GBX2: variants seen among roughly 807,000 people sequenced by gnomAD.
GBX2 encodes the protein gastrulation brain homeobox 2.
Under a neutral mutation model 22.4 loss-of-function variants are expected in GBX2, and 5 were observed. That is an observed-to-expected ratio of 0.22 (90% CI 0.12 to 0.47). The LOEUF is 0.47. Among genes scored for constraint, GBX2 ranks in the 20% least tolerant of loss-of-function variants. The probability of loss-of-function intolerance (pLI) is 0.99; values close to 1 mark genes in which losing one functional copy is unlikely to be tolerated. For synonymous variants in GBX2, 220 were observed against 230.5 expected (o/e 0.95, Z 0.41); for missense variants, 470 against 495.4 (o/e 0.95, Z 0.49).
rs987643540 is a variant in GBX2 at position 236,167,738 on chromosome 2, G to A, written c.234C>T (p.His78=). The change falls in exon 1 of 2, where the codon CAC becomes CAT. Residue 78 remains histidine (H), a synonymous_variant. Transcript: ENST00000306318. The part of the protein sequence containing the change: ...AALQPALPPA[H]PHHQIPSLPT... The stretch of plus-strand genomic sequence containing the variant: ...GCAGGCTGGGGATCTGGTGGTGAGG[G>A]TGTGCGGGCGGCAGCGCTGGCTGCA... The A allele has an allele frequency of 2.7e-6, 4 of 1,507,298 alleles. No homozygotes were observed. Among genetic ancestry groups the A allele is most frequent in the Middle Eastern group, 1.9e-4 (1 of 5,306 alleles). 93.4% of individuals were successfully genotyped at this position (1,507,298 alleles called of 1,614,324 possible).
rs751026025 is a variant in GBX2 at position 236,167,997 on chromosome 2, G to A, written c.-26C>T. On this transcript the variant is annotated 5_prime_UTR_variant, in exon 1 of 2. Transcript: ENST00000306318. ...AGACGCGCTCGGTAGAGGCCAGCGA[G>A]AGGCGAAAAGTCCCCGCGCCGCGCC... 1 of 1,502,476 alleles carries A rather than the reference G, an allele frequency of 6.7e-7. No individual in the cohort carries two copies. The highest frequency in any genetic ancestry group is 8.9e-7 in the Non-Finnish European group (1 of 1,129,358). 93.1% of individuals were successfully genotyped at this position (1,502,476 alleles called of 1,614,324 possible). A position where few individuals can be genotyped will look rare whatever the true frequency, so the allele number is the denominator to read the frequency against.
chr2:236,166,019 T>A lies in GBX2; in HGVS notation c.942A>T (p.Thr314=). 1 of 1,614,220 alleles carries A rather than the reference T, an allele frequency of 6.2e-7. No individual in the cohort carries two copies. Residue 314 remains threonine, a synonymous_variant, in exon 2 of 2, where the codon ACA becomes ACT. Coordinates refer to ENST00000306318, the MANE Select transcript of GBX2 (RefSeq NM_001485.4). This position sits in a 1 kb window ranked among gnomAD's most constrained non-coding sequence, Gnocchi z 6.6. ...TCTTAGGGTTCCGGGAGGGCTCCCC[T>A]GTCTTGGAATTGGCATTGCCTGCCT... is the stretch of plus-strand genomic sequence containing the variant. ...RVKAGNANSK[T]GEPSRNPKIV...
At position 236,167,051 on chromosome 2, in the gene GBX2, A is replaced by G; in HGVS notation, c.523+398T>C. The stretch of plus-strand genomic sequence containing the variant: ...CCCAGACAAGTAGCAAGACCAGCGA[A>G]GGGGTTTAAAAAGTCTGGGCGCCCC... On this transcript the variant is annotated intron_variant, in intron 1 of 1. Transcript: ENST00000306318. 1.1e-5 allele frequency: 12 copies of G among 1,129,940 alleles called. No homozygotes were observed. In the South Asian group the frequency reaches 1.6e-4, roughly 15 times the overall value. 70.0% of individuals were successfully genotyped at this position (1,129,940 alleles called of 1,614,324 possible). A position where few individuals can be genotyped will look rare whatever the true frequency, so the allele number is the denominator to read the frequency against.
At position 236,166,255 on chromosome 2, in the gene GBX2, C is replaced by T. The variant is rs1389171569; in HGVS notation, c.706G>A (p.Gly236Ser). ...GTAGACGTGGTGCTGCCCGCGGCGC[C>T]GCTGCTCGGCGGGGTCTCCTCCAGC... ...HALEETPPSS[G>S]AAGSTTSTGK... Residue 236 changes from glycine to serine, a missense_variant, in exon 2 of 2, where the codon GGC (glycine) becomes AGC (serine). Gly to Ser is a moderately conservative substitution (Grantham distance 56). Around this residue, in one of 4 missense-constraint regions of GBX2, gnomAD observed 377 missense variants for 358.6 expected, o/e 1.05. Transcript: ENST00000306318. The surrounding 1 kb of genome is among the most constrained non-coding windows in gnomAD (Gnocchi z 6.6). 1.2e-6 allele frequency: 2 copies of T among 1,613,614 alleles called. No homozygotes were observed. The highest frequency in any genetic ancestry group is 2.2e-5 in the East Asian group (1 of 44,874).
chr2:236,166,378 T>C lies in GBX2; in HGVS notation c.583A>G (p.Lys195Glu), dbSNP rs764852601. 6 of 1,614,004 alleles carry C rather than the reference T, an allele frequency of 3.7e-6. No homozygotes were observed. In the South Asian group the frequency reaches 6.6e-5, roughly 18 times the overall value. ...ESKVEDDPKG[K>E]EESFSLESDV... ...CTCTCCAGCGAGAAGCTCTCCTCCT[T>C]GCCCTTCGGGTCGTCTTCCACCTTT... Residue 195 changes from lysine (K) to glutamate (E), a missense_variant, in exon 2 of 2, where the codon AAG (lysine) becomes GAG (glutamate). Lys to Glu is a moderately conservative substitution (Grantham distance 56). Transcript: ENST00000306318. This position sits in a 1 kb window ranked among gnomAD's most constrained non-coding sequence, Gnocchi z 6.6.
In GBX2 at chr2:236,167,293, G is replaced by T. The variant is rs533937820; in HGVS notation, c.523+156C>A. The T allele has an allele frequency of 2.9e-6, 4 of 1,395,070 alleles. No individual in the cohort carries two copies. In the African/African-American group the frequency reaches 5.7e-5, roughly 20 times the overall value. 86.4% of individuals were successfully genotyped at this position (1,395,070 alleles called of 1,614,324 possible). ...GGGTGGCTCTGAATGTCCCCCGGAG[G>T]CCCAGCGGCACAGCCGGGCCTCATC... is the stretch of plus-strand genomic sequence containing the variant. On this transcript the variant is annotated intron_variant, in intron 1 of 1. Coordinates refer to ENST00000306318, the MANE Select transcript of GBX2 (RefSeq NM_001485.4).
At chr2:236,161,393 G>A (rs1447826873), downstream of GBX2, among the ~76,000 whole-genome samples, 2 of 152,246 alleles carry the variant, frequency 1.3e-5, no homozygotes, top group Non-Finnish European at 2.9e-5. Context: ...ATATGGTGTT[G>A]CTTATGTGCG....
intron 1 of GBX2, 46 bp downstream of exon 1, chr2:236,167,403 G>A: frequency 8.6e-7 from 1 of 1,164,964 alleles, no homozygotes; most frequent in Non-Finnish European, 1.1e-6. Context: ...GCCCGCCCCC[G>A]CCTCCTCCCG....
At chr2:236,163,954 C>G (rs1486949370), downstream of GBX2, among the ~76,000 whole-genome samples, 1 of 152,112 alleles carries the variant, frequency 6.6e-6, no homozygotes. Context: ...CCCGCAGAGC[C>G]GGCCGACGCC....
At chr2:236,164,130 G>A (rs1010362867), downstream of GBX2, among the ~76,000 whole-genome samples, 4 of 152,176 alleles carry the variant, frequency 2.6e-5, no homozygotes, top group South Asian at 2.1e-4. Context: ...AGGCCCCTCC[G>A]CCGTGGGGAG....
At position 236,167,390 on chromosome 2, in the gene GBX2, C is replaced by A. The variant is rs13031166; in HGVS notation, c.523+59G>T. On this transcript the variant is annotated intron_variant, in intron 1 of 1. Coordinates refer to ENST00000306318, the MANE Select transcript of GBX2 (RefSeq NM_001485.4). Reference sequence around the variant, plus strand: ...CTTGGTCTCCCGCGGGAACCCGGCGCTGGCCCGCCCCCGCCTCCTCCCGCC... The same window carrying A: ...CTTGGTCTCCCGCGGGAACCCGGCGATGGCCCGCCCCCGCCTCCTCCCGCC... 34 of 1,412,546 alleles carry A rather than the reference C, an allele frequency of 2.4e-5. No individual in the cohort carries two copies. In the Middle Eastern group the frequency reaches 1.0e-3, roughly 43 times the overall value. 87.5% of individuals were successfully genotyped at this position (1,412,546 alleles called of 1,614,324 possible).
rs2060235134 is a variant in GBX2 at position 236,165,788 on chromosome 2, A to G, written c.*126T>C. 2.6e-6 allele frequency: 2 copies of G among 760,082 alleles called. No homozygotes were observed. Among genetic ancestry groups the G allele is most frequent in the Non-Finnish European group, 4.3e-6 (2 of 460,582 alleles). 47.1% of individuals were successfully genotyped at this position (760,082 alleles called of 1,614,324 possible). On this transcript the variant is annotated 3_prime_UTR_variant, in exon 2 of 2. Coordinates refer to ENST00000306318, the MANE Select transcript of GBX2 (RefSeq NM_001485.4). ...AGCCCATTTAGTGAATATATTCTCA[A>G]TTTGCTTGGGATGGCCACAGCTGGG... is the stretch of plus-strand genomic sequence containing the variant.
chr2:236,166,483 C>T lies in GBX2; in HGVS notation c.524-46G>A, dbSNP rs1229713109. 1 of 1,548,460 alleles carries T rather than the reference C, an allele frequency of 6.5e-7. No individual in the cohort carries two copies. The highest frequency in any genetic ancestry group is 1.4e-5 in the African/African-American group (1 of 73,752). On this transcript the variant is annotated intron_variant, in intron 1 of 1. Coordinates refer to ENST00000306318, the MANE Select transcript of GBX2 (RefSeq NM_001485.4). The surrounding 1 kb of genome is among the most constrained non-coding windows in gnomAD (Gnocchi z 6.6). ...CATTTTATTACATTTCGCACACTGG[C>T]CTTCCTTTCTCCTTCCCACCGTCAT...
chr2:236,165,000 A>C (rs936071937), downstream of GBX2, among the ~76,000 whole-genome samples: 11 of 152,148 alleles, frequency 7.2e-5, no homozygotes, highest in African/African-American at 2.7e-4. Flanking sequence ...GCTGTGCAAA[A>C]GGGGGAGATA....
chr2:236,167,363 C>T, intron 1 of GBX2, 86 bp downstream of exon 1: 4 of 1,396,138 alleles, frequency 2.9e-6, no homozygotes, highest in South Asian at 1.5e-5. Flanking sequence ...CGGCCTCGCC[C>T]CCTTGGTCTC....
downstream of GBX2, among the ~76,000 whole-genome samples, chr2:236,162,225 A>G (rs535217503): frequency 6.6e-6 from 1 of 152,356 alleles, no homozygotes; most frequent in South Asian, 2.1e-4. Context: ...AGACAGCCAT[A>G]GAGTCAGGAT....
Position 236,168,043 on chromosome 2 carries a change from A to G in GBX2, c.-72T>C. ...GCGCCGCCGCCGGGAAGCCCGCCGG[A>G]CGCCGGGAGCACCGCCGGGAGCGCC... On this transcript the variant is annotated 5_prime_UTR_variant, in exon 1 of 2. Coordinates refer to ENST00000306318, the MANE Select transcript of GBX2 (RefSeq NM_001485.4). 7.4e-7 allele frequency: 1 copy of G among 1,346,248 alleles called. No individual in the cohort carries two copies. The highest frequency in any genetic ancestry group is 9.5e-7 in the Non-Finnish European group (1 of 1,051,676). The allele number at this position is 1,346,248 out of a possible 1,614,324, so 83.4% of individuals were successfully genotyped here. A position where few individuals can be genotyped will look rare whatever the true frequency, so the allele number is the denominator to read the frequency against.
downstream of GBX2, among the ~76,000 whole-genome samples, chr2:236,162,809 T>C (rs764973067): frequency 3.9e-5 from 6 of 152,264 alleles, no homozygotes; most frequent in Admixed American, 6.5e-5. Flanking sequence ...AACCCAACCT[T>C]GGATTAAAGC....
In GBX2 at chr2:236,166,316, G is replaced by A. The variant is rs1246940141; in HGVS notation, c.645C>T (p.Gly215=). ...GGTCTTCCTCCTTGTGAGCTGCCTG[G>A]CCAGTCAGATTGTCATCCGAGCTGT... ...VDYSSDDNLT[G]QAAHKEEDPG... Residue 215 remains glycine (G), a synonymous_variant, in exon 2 of 2, where the codon GGC becomes GGT. Transcript: ENST00000306318. The surrounding 1 kb of genome is among the most constrained non-coding windows in gnomAD (Gnocchi z 6.6). The A allele has an allele frequency of 6.2e-7, 1 of 1,613,976 alleles. No homozygotes were observed. Among genetic ancestry groups the A allele is most frequent in the South Asian group, 1.1e-5 (1 of 91,082 alleles).
Sources: gnomAD v4.1 joint callset for allele counts (sites outside exome capture counted in the v4.1 genomes callset) on GRCh38, gnomAD v4.1.1 for gene constraint, gnomAD v4.1.1 regional missense constraint, Gnocchi (gnomAD v3.1) non-coding constraint, MANE v1.5 for transcripts, NCBI Gene and HGNC (gene_info 2026-07-23, HGNC 2026-07-21) for gene names.